The following POFUT3 variants were observed in gnomAD, a reference collection of about 807,000 sequenced individuals.
POFUT3 encodes the protein GDP-fucose protein O-fucosyltransferase 3.
At chr8:33,389,940 A>T in the POFUT3 span, 1 of 635,590 alleles carries the variant, frequency 1.6e-6, no homozygotes, top group Non-Finnish European at 2.7e-6. Flanking sequence ...CACGCCTGTA[A>T]TCCCAGCACT....
At chr8:33,431,750 AT>A in the POFUT3 span, among the ~76,000 whole-genome samples, 3 of 151,184 alleles carry the variant, frequency 2.0e-5, no homozygotes, top group Non-Finnish European at 4.4e-5. Flanking sequence ...TTGTAATTGG[AT>A]TTTTTTTTAC....
chr8:33,350,647 C>T, the POFUT3 span, among the ~76,000 whole-genome samples: 2 of 152,190 alleles, frequency 1.3e-5, no homozygotes, highest in African/African-American at 4.8e-5. Context: ...TCCTGATTTC[C>T]ATTGTTTTAA....
chr8:33,388,329 C>CTTTTTT, the POFUT3 span, among the ~76,000 whole-genome samples: 6 of 83,864 alleles, frequency 7.2e-5, no homozygotes, highest in African/African-American at 9.5e-5. Flanking sequence ...AAGCAGAACT[C>CTTTTTT]TTTTTTTTTT....
the POFUT3 span, among the ~76,000 whole-genome samples, chr8:33,469,016 CA>C: frequency 6.6e-6 from 1 of 152,084 alleles, no homozygotes; most frequent in Non-Finnish European, 1.5e-5. Flanking sequence ...TGCCATTTAT[CA>C]ATGTGAGGCC....
chr8:33,356,142 G>A, the POFUT3 span, among the ~76,000 whole-genome samples: 1 of 152,200 alleles, frequency 6.6e-6, no homozygotes, highest in Non-Finnish European at 1.5e-5. Flanking sequence ...ACGTGTGCAT[G>A]TGTCTTTATA....
chr8:33,355,904 G>A, the POFUT3 span, among the ~76,000 whole-genome samples: 2 of 152,028 alleles, frequency 1.3e-5, no homozygotes, highest in East Asian at 3.9e-4. Context: ...TCCCACCTAT[G>A]AGTAAGAATA....
chr8:33,437,450 A>G, the POFUT3 span, among the ~76,000 whole-genome samples: 1 of 152,152 alleles, frequency 6.6e-6, no homozygotes, highest in Non-Finnish European at 1.5e-5. Context: ...GGGAAAAAAA[A>G]ACCATATAAA....
chr8:33,404,272 A>C, the POFUT3 span, among the ~76,000 whole-genome samples: 1 of 151,144 alleles, frequency 6.6e-6, no homozygotes, highest in African/African-American at 2.4e-5. Context: ...CGGGAAGCGG[A>C]GGCTGCAGTG....
the POFUT3 span, among the ~76,000 whole-genome samples, chr8:33,411,043 T>C: frequency 1.3e-5 from 2 of 152,162 alleles, no homozygotes; most frequent in Admixed American, 1.3e-4. Context: ...GTCTGGGCCA[T>C]TCAGATGCCA....
the POFUT3 span, among the ~76,000 whole-genome samples, chr8:33,366,663 G>A: frequency 3.9e-5 from 6 of 152,076 alleles, no homozygotes; most frequent in African/African-American, 9.7e-5. Context: ...GTGGATATTC[G>A]TTTTCCAAAA....
At chr8:33,446,767 ATC>A in the POFUT3 span, among the ~76,000 whole-genome samples, 2 of 152,146 alleles carry the variant, frequency 1.3e-5, no homozygotes, top group Non-Finnish European at 2.9e-5. Context: ...ATAAGCATGA[ATC>A]TCCTATGTAG....
At chr8:33,316,224 T>C in the POFUT3 span, among the ~76,000 whole-genome samples, 1 of 152,102 alleles carries the variant, frequency 6.6e-6, no homozygotes, top group East Asian at 1.9e-4. Flanking sequence ...TTCCTGCTTC[T>C]ATGGTGCTGG....
chr8:33,389,720 G>A, the POFUT3 span: 60 of 1,613,974 alleles, frequency 3.7e-5, no homozygotes, highest in Non-Finnish European at 4.7e-5. Context: ...ATTGTTTTTC[G>A]GGGACTCTTC....
chr8:33,472,429 G>C, the POFUT3 span, among the ~76,000 whole-genome samples: 1 of 152,186 alleles, frequency 6.6e-6, no homozygotes, highest in Non-Finnish European at 1.5e-5. Flanking sequence ...CAAAAAATGA[G>C]CTCTGTTCTG....
chr8:33,377,967 T>C, the POFUT3 span, among the ~76,000 whole-genome samples: 1 of 152,172 alleles, frequency 6.6e-6, no homozygotes, highest in Non-Finnish European at 1.5e-5. Context: ...GTGATCACCA[T>C]ACAAACAGGT....
the POFUT3 span, among the ~76,000 whole-genome samples, chr8:33,375,946 G>T: frequency 4.0e-5 from 6 of 151,074 alleles, no homozygotes; most frequent in African/African-American, 1.2e-4. Flanking sequence ...GAACCCAGGA[G>T]ACAGAGGTTA....
At chr8:33,360,699 T>C in the POFUT3 span, 2 of 152,196 alleles carry the variant, frequency 1.3e-5, no homozygotes, top group African/African-American at 2.4e-5. Context: ...TCCCTCTACC[T>C]ACTGTTTTAT....
chr8:33,410,275 C>A, the POFUT3 span, among the ~76,000 whole-genome samples: 1 of 152,188 alleles, frequency 6.6e-6, no homozygotes. Context: ...CCAAGGGATG[C>A]AGTCCTTGCA....
the POFUT3 span, among the ~76,000 whole-genome samples, chr8:33,360,001 A>G: frequency 6.6e-6 from 1 of 151,992 alleles, no homozygotes; most frequent in Non-Finnish European, 1.5e-5. Flanking sequence ...GCAAGACTCC[A>G]TCTCAAAAAA....
Sources: gnomAD v4.1 joint callset for allele counts (sites outside exome capture counted in the v4.1 genomes callset) on GRCh38, gnomAD v4.1.1 for gene constraint, MANE v1.5 for transcripts, NCBI Gene and HGNC (gene_info 2026-07-23, HGNC 2026-07-21) for gene names.